Variants in ANKS6 observed in about 807,000 individuals in gnomAD.
ANKS6 encodes the protein ankyrin repeat and sterile alpha motif domain containing 6, also known as ankyrin repeat and SAM domain-containing protein 6.
Under a neutral mutation model 77.9 loss-of-function variants are expected in ANKS6, and 47 were observed. The ratio of observed to expected loss-of-function variants is 0.60; its 90% confidence interval spans 0.48 to 0.77. The LOEUF (loss-of-function observed/expected upper bound fraction) is 0.77, where lower values mean the gene tolerates loss of function less well. ANKS6 is among the 30% of genes least tolerant of loss of function. The pLI is 0.00. For synonymous variants in ANKS6, 488 were observed against 501.7 expected (o/e 0.97, Z 0.37); for missense variants, 1,150 against 1,159.1 (o/e 0.99, Z 0.11).
chr9:98,749,791 C>T (rs1017053634), intron 13 of ANKS6, among the ~76,000 whole-genome samples: 5 of 152,188 alleles, frequency 3.3e-5, no homozygotes, highest in South Asian at 2.1e-4. Flanking sequence ...GAAAGCTACG[C>T]GCCCTATTTG....
In ANKS6 at chr9:98,784,176, G is replaced by T. The variant is rs779415076; in HGVS notation, c.908-19C>A. ...AAGTTTCCTGCAAACACAAGCAGGA[G>T]TCCGGGTGAACTGTGGGCCTGGTAC... On this transcript the variant is annotated intron_variant, in intron 3 of 14. Transcript: ENST00000353234. The T allele has an allele frequency of 1.1e-5, 16 of 1,508,286 alleles. No individual in the cohort carries two copies. Among genetic ancestry groups the T allele is most frequent in the Middle Eastern group, 1.8e-4 (1 of 5,644 alleles). 93.4% of individuals were successfully genotyped at this position (1,508,286 alleles called of 1,614,324 possible).
chr9:98,746,659 G>C (rs1832151152), intron 13 of ANKS6, among the ~76,000 whole-genome samples: 1 of 151,578 alleles, frequency 6.6e-6, no homozygotes, highest in Admixed American at 6.6e-5. Context: ...CCTGGCAGAG[G>C]GCTCCAGCAT....
chr9:98,732,241 C>T lies in ANKS6; in HGVS notation c.*4278G>A, dbSNP rs1266892423. 5 of 541,760 alleles carry T rather than the reference C, an allele frequency of 9.2e-6. No homozygotes were observed. The highest frequency in any genetic ancestry group is 6.3e-5 in the South Asian group (3 of 47,444). 33.6% of individuals were successfully genotyped at this position (541,760 alleles called of 1,614,324 possible). ...GCATTTACTTGGAAGTACAGGTCAG[C>T]GTTATCCAAAGTTGTCCAGCCTCCG... On this transcript the variant is annotated 3_prime_UTR_variant, in exon 15 of 15. Transcript: ENST00000353234.
rs1186143864 is a variant in ANKS6, at chr9:98,784,099, G to A, written c.966C>T (p.Val322=). The A allele has an allele frequency of 1.2e-5, 19 of 1,585,874 alleles. No individual in the cohort carries two copies. The highest frequency in any genetic ancestry group is 1.6e-5 in the Non-Finnish European group (19 of 1,163,256). The change falls in exon 4 of 15, where the codon GTC becomes GTT. Residue 322 remains valine (V), a synonymous_variant. Transcript: ENST00000353234. ...ADEDPSHVNL[V]NGDGATPLML... ...TCAGTGGCGTCGCCCCGTCCCCATT[G>A]ACCAAGTTCACGTGGCTGGGGTCTT...
chr9:98,768,225 G>A lies in ANKS6; in HGVS notation c.1998C>T (p.Ser666=). The A allele has an allele frequency of 6.2e-7, 1 of 1,614,082 alleles. No individual in the cohort carries two copies. The highest frequency in any genetic ancestry group is 1.1e-5 in the South Asian group (1 of 91,076). Residue 666 remains serine, a synonymous_variant, in exon 11 of 15, where the codon TCC becomes TCT. Transcript: ENST00000353234. ...CTTTTTTCCTCTGGGCAGCGATTTG[G>A]GACAAGACATTGTCTATGCTGCCAC... ...RSGGSIDNVL[S]QIAAQRKKAA...
rs372343956 is a variant in ANKS6 at position 98,784,826 on chromosome 9, G to T, written c.907+6C>A. 6.2e-6 allele frequency: 10 copies of T among 1,611,926 alleles called. No homozygotes were observed. In the African/African-American group the frequency reaches 8.0e-5, roughly 13 times the overall value. On this transcript the variant is annotated splice_donor_region_variant and intron_variant, in intron 3 of 14. Coordinates refer to ENST00000353234, the MANE Select transcript of ANKS6 (RefSeq NM_173551.5). ...AATATCCAAAAAGATTTTCTAAAGC[G>T]CTTACCCATTTTCAATGCATGGAAA...
intron 1 of ANKS6, chr9:98,795,887 T>C (rs1453961266): frequency 2.8e-6 from 1 of 362,640 alleles, no homozygotes; most frequent in Non-Finnish European, 4.9e-6. Flanking sequence ...GTCTCTACAA[T>C]TCTATTCGCT....
intron 12 of ANKS6, among the ~76,000 whole-genome samples, chr9:98,754,661 G>A (rs1465991270): frequency 1.3e-5 from 2 of 151,658 alleles, no homozygotes; most frequent in Admixed American, 6.6e-5. Context: ...AAAGCTCTTC[G>A]GGGATGGATT....
At position 98,736,092 on chromosome 9, in the gene ANKS6, C is replaced by T. The variant is rs116189080; in HGVS notation, c.*427G>A. On this transcript the variant is annotated 3_prime_UTR_variant, in exon 15 of 15. Coordinates refer to ENST00000353234, the MANE Select transcript of ANKS6 (RefSeq NM_173551.5). ...TCTGCATCCAGGTGGGGCCACATGA[C>T]TACCAGTGGCCAAGAGGACGTGAGC... 1.4e-3 allele frequency: 1,600 copies of T among 1,160,190 alleles called. 19 individuals carry two copies. The African/African-American group carries it at 0.022, about 16-fold the overall frequency. The allele number at this position is 1,160,190 out of a possible 1,614,324, so 71.9% of individuals were successfully genotyped here.
intron 11 of ANKS6, among the ~76,000 whole-genome samples, chr9:98,760,977 G>T (rs984715365): frequency 2.0e-5 from 3 of 152,146 alleles, no homozygotes; most frequent in Non-Finnish European, 2.9e-5. Context: ...CTTTTTCAAG[G>T]TGGCTGTACC....
intron 4 of ANKS6, 90 bp downstream of exon 4, chr9:98,783,863 C>CT: frequency 8.6e-7 from 1 of 1,161,394 alleles, no homozygotes; most frequent in Non-Finnish European, 1.1e-6. Flanking sequence ...TATGCAGCAT[C>CT]TCAGGACCAG....
Position 98,796,553 on chromosome 9 carries a change from G to A in ANKS6, c.-62C>T. ...GCCGGCCGCGTCGGCTCCGCCCCCG[G>A]ATACCGCCCGCAGGCGCCCCCTTCC... On this transcript the variant is annotated 5_prime_UTR_variant, in exon 1 of 15. Transcript: ENST00000353234. The A allele has an allele frequency of 1.1e-6, 1 of 946,440 alleles. No homozygotes were observed. Among genetic ancestry groups the A allele is most frequent in the South Asian group, 4.7e-5 (1 of 21,120 alleles). The allele number at this position is 946,440 out of a possible 1,614,324, so 58.6% of individuals were successfully genotyped here.
chr9:98,784,623 G>C (rs1834463777), intron 3 of ANKS6, among the ~76,000 whole-genome samples: 1 of 152,204 alleles, frequency 6.6e-6, no homozygotes, highest in Non-Finnish European at 1.5e-5. Context: ...TGTTTGGCTG[G>C]AGTGGGGCTG....
chr9:98,754,022 C>T (rs375649983), intron 12 of ANKS6, among the ~76,000 whole-genome samples: 1 of 152,138 alleles, frequency 6.6e-6, no homozygotes, highest in African/African-American at 2.4e-5. Flanking sequence ...GCTGGAGTGC[C>T]CGCTCACCAG....
At chr9:98,745,825 G>T in intron 13 of ANKS6, 150 bp from the exon 14 acceptor site, 1 of 625,412 alleles carries the variant, frequency 1.6e-6, no homozygotes, top group East Asian at 2.8e-5. Flanking sequence ...TTTATGTTTA[G>T]AGTTTCGTTG....
At chr9:98,766,684 A>G (rs1833311706) in intron 11 of ANKS6, among the ~76,000 whole-genome samples, 1 of 152,126 alleles carries the variant, frequency 6.6e-6, no homozygotes, top group Non-Finnish European at 1.5e-5. Flanking sequence ...TGTGAAAGGA[A>G]TCTAATTATA....
chr9:98,772,128 G>A (rs562658842), intron 9 of ANKS6, among the ~76,000 whole-genome samples: 1 of 152,352 alleles, frequency 6.6e-6, no homozygotes, highest in Admixed American at 6.5e-5. Context: ...TGAGGCATGA[G>A]AATGAGGATG....
rs1308493540 is a variant in ANKS6 at position 98,732,342 on chromosome 9, G to T, written c.*4177C>A. 7.2e-6 allele frequency: 6 copies of T among 829,750 alleles called. No individual in the cohort carries two copies. Among genetic ancestry groups the T allele is most frequent in the African/African-American group, 1.7e-5 (1 of 58,330 alleles). 51.4% of individuals were successfully genotyped at this position (829,750 alleles called of 1,614,324 possible). On this transcript the variant is annotated 3_prime_UTR_variant, in exon 15 of 15. Coordinates refer to ENST00000353234, the MANE Select transcript of ANKS6 (RefSeq NM_173551.5). Reference sequence around the variant, plus strand: ...TTCCCTGCCCCCTTTTTACCCGCTGGATCAGCTTCTACGACTTGGTCAAAC... The same window carrying T: ...TTCCCTGCCCCCTTTTTACCCGCTGTATCAGCTTCTACGACTTGGTCAAAC...
chr9:98,793,258 AC>A (rs1835000649), intron 1 of ANKS6, among the ~76,000 whole-genome samples: 1 of 152,204 alleles, frequency 6.6e-6, no homozygotes, highest in Non-Finnish European at 1.5e-5. Context: ...CAAGAGGGAA[AC>A]TATCAGTTAC....
Sources: allele counts gnomAD v4.1 joint callset (sites outside exome capture counted in the v4.1 genomes callset), GRCh38; gene constraint gnomAD v4.1.1; transcripts MANE v1.5; gene names NCBI Gene and HGNC (gene_info 2026-07-23, HGNC 2026-07-21).